The following FAM107B variants were observed in gnomAD, a reference collection of about 807,000 sequenced individuals.
FAM107B encodes family with sequence similarity 107 member B.
FAM107B carries 21 observed loss-of-function variants against 31.5 expected under a neutral mutation model. The observed-to-expected ratio is 0.67, with a 90% CI of 0.47 to 0.96. The LOEUF is 0.96. Ranked by LOEUF, FAM107B falls within the 40% of genes least tolerant of loss-of-function variation. The pLI is 0.00. For synonymous variants in FAM107B, 157 were observed against 141.5 expected (o/e 1.11, Z -0.78); for missense variants, 452 against 377.1 (o/e 1.20, Z -1.64).
Position 14,737,766 on chromosome 10 carries a change from TTCTCTCTC to T in FAM107B, c.411+36479_411+36486del, listed in dbSNP as rs11276189. 2.9e-3 allele frequency among the ~76,000 whole-genome samples: 366 copies of T among 127,114 alleles called. 1 individual carries two copies. Among genetic ancestry groups the T allele is most frequent in the African/African-American group, 0.011 (334 of 31,048 alleles). The allele number at this position is 127,114 out of a possible 152,430, so 83.4% of individuals were successfully genotyped here. On this transcript the variant is annotated intron_variant, in intron 1 of 4. Transcript: ENST00000181796. ...CCATGCAGTGCTGTGCGTGCACGCT[TTCTCTCTC>T]TCTCTCTCTCTCTCTCTCTCTCTCT...
At chr10:14,709,119 T>C (rs1209215996) in intron 1 of FAM107B, among the ~76,000 whole-genome samples, 3 of 152,210 alleles carry the variant, frequency 2.0e-5, no homozygotes, top group Non-Finnish European at 2.9e-5. Flanking sequence ...GTGCAGCCAC[T>C]TTGGAAGACA....
At chr10:14,582,994 G>C (rs1488741584) in intron 2 of FAM107B, among the ~76,000 whole-genome samples, 1 of 151,418 alleles carries the variant, frequency 6.6e-6, no homozygotes, top group African/African-American at 2.4e-5. Flanking sequence ...GCTAAGGCAG[G>C]AGAATTGCTT....
intron 2 of FAM107B, among the ~76,000 whole-genome samples, chr10:14,600,039 C>T (rs942558024): frequency 2.6e-4 from 39 of 152,178 alleles, no homozygotes; most frequent in African/African-American, 9.2e-4. Context: ...TCTCTCTCCC[C>T]GTTTTCCTTC....
intron 1 of FAM107B, among the ~76,000 whole-genome samples, chr10:14,711,056 G>T (rs1855634928): frequency 6.6e-6 from 1 of 152,200 alleles, no homozygotes; most frequent in East Asian, 1.9e-4. Context: ...GGGACTACAG[G>T]CCTACCACCA....
intron 2 of FAM107B, among the ~76,000 whole-genome samples, chr10:14,564,418 G>A (rs2131200273): frequency 6.6e-6 from 1 of 151,256 alleles, no homozygotes; most frequent in African/African-American, 2.4e-5. Flanking sequence ...AGTTTTCAAA[G>A]CAGATACTGC....
chr10:14,653,632 T>G (rs1853959610), intron 2 of FAM107B, among the ~76,000 whole-genome samples: 1 of 131,420 alleles, frequency 7.6e-6, no homozygotes, highest in East Asian at 2.3e-4. Context: ...TGTGGTTCCA[T>G]TTCCTTGGTG....
At chr10:14,542,307 T>C (rs1221032452) in intron 2 of FAM107B, among the ~76,000 whole-genome samples, 1 of 148,906 alleles carries the variant, frequency 6.7e-6, no homozygotes, top group African/African-American at 2.5e-5. Context: ...ATGAACAGGA[T>C]AATACGGGCG....
chr10:14,568,672 G>A lies in FAM107B; in HGVS notation c.470-38157C>T, dbSNP rs1179577492. Among the ~76,000 whole-genome samples, 5 of 152,270 alleles carry A rather than the reference G, an allele frequency of 3.3e-5. 1 individual carries two copies. The highest frequency in any genetic ancestry group is 7.3e-5 in the Non-Finnish European group (5 of 68,040). ...CCAGGAGGTGAAGATACTCGGGTAGGAGAAGGGTGGCTGATCTCTGGGTTA... is the reference window on the plus strand; with the variant it reads ...CCAGGAGGTGAAGATACTCGGGTAGAAGAAGGGTGGCTGATCTCTGGGTTA... On this transcript the variant is annotated intron_variant, in intron 2 of 4. Coordinates refer to ENST00000181796, the MANE Select transcript of FAM107B (RefSeq NM_031453.4).
chr10:14,530,963 C>T (rs537737896), intron 2 of FAM107B, among the ~76,000 whole-genome samples: 151 of 152,304 alleles, frequency 9.9e-4, no homozygotes, highest in African/African-American at 3.5e-3. Context: ...TGGCCTCTTG[C>T]CTATCTTACT....
At chr10:14,572,845 G>T (rs1259884395) in intron 2 of FAM107B, among the ~76,000 whole-genome samples, 10 of 150,212 alleles carry the variant, frequency 6.7e-5, no homozygotes, top group Non-Finnish European at 1.3e-4. Flanking sequence ...AAGCAGAAGG[G>T]ACTTGAGTTC....
Position 14,521,181 on chromosome 10 carries a change from A to T in FAM107B, c.*9T>A. On this transcript the variant is annotated 3_prime_UTR_variant, in exon 5 of 5. Transcript: ENST00000181796. ...GGGGTGACACACGAGGTCTTGGTGC[A>T]GCCTCAGCCTAGGACTCCTGGGCTT... 6.2e-7 allele frequency: 1 copy of T among 1,610,518 alleles called. No homozygotes were observed. The highest frequency in any genetic ancestry group is 8.5e-7 in the Non-Finnish European group (1 of 1,176,874).
chr10:14,709,303 A>G (rs552691859), intron 1 of FAM107B, among the ~76,000 whole-genome samples: 2 of 152,364 alleles, frequency 1.3e-5, no homozygotes, highest in Admixed American at 1.3e-4. Flanking sequence ...CAGGCTGCCA[A>G]TAAAGACATA....
At chr10:14,664,170 G>A (rs1014473193) in intron 2 of FAM107B, among the ~76,000 whole-genome samples, 2 of 152,060 alleles carry the variant, frequency 1.3e-5, no homozygotes, top group African/African-American at 4.8e-5. Context: ...TTTTCTCCTA[G>A]CTCTCTGTGT....
intron 2 of FAM107B, among the ~76,000 whole-genome samples, chr10:14,620,259 C>T (rs976827081): frequency 8.1e-5 from 12 of 148,014 alleles, no homozygotes; most frequent in African/African-American, 2.4e-4. Flanking sequence ...CCTCGTGATC[C>T]GCCCACCTTG....
intron 2 of FAM107B, among the ~76,000 whole-genome samples, chr10:14,566,553 G>A (rs750734024): frequency 6.6e-6 from 1 of 152,198 alleles, no homozygotes; most frequent in Non-Finnish European, 1.5e-5. Flanking sequence ...AGCCTGGTGA[G>A]AGCCTGAAGC....
intron 2 of FAM107B, among the ~76,000 whole-genome samples, chr10:14,646,237 T>G (rs550809917): frequency 6.6e-6 from 1 of 152,178 alleles, no homozygotes. Context: ...TTTGGTGACA[T>G]AGATGAATTA....
chr10:14,687,723 T>C (rs537520940), intron 1 of FAM107B, among the ~76,000 whole-genome samples: 25 of 152,306 alleles, frequency 1.6e-4, no homozygotes, highest in Admixed American at 5.2e-4. Flanking sequence ...TTTCTGCCTC[T>C]AAAAGTTTCT....
intron 3 of FAM107B, among the ~76,000 whole-genome samples, chr10:14,526,671 T>C (rs1846268577): frequency 6.6e-6 from 1 of 152,204 alleles, no homozygotes; most frequent in Non-Finnish European, 1.5e-5. Context: ...TAGTAAAGCA[T>C]GCCAAAAGAA....
At chr10:14,572,554 A>C (rs977771592) in intron 2 of FAM107B, among the ~76,000 whole-genome samples, 1 of 151,644 alleles carries the variant, frequency 6.6e-6, no homozygotes, top group Non-Finnish European at 1.5e-5. Flanking sequence ...TCTATGGGGA[A>C]GGGTTATGTT....
Sources: gnomAD v4.1 joint callset for allele counts (sites outside exome capture counted in the v4.1 genomes callset) on GRCh38, gnomAD v4.1.1 for gene constraint, MANE v1.5 for transcripts, NCBI Gene and HGNC (gene_info 2026-07-23, HGNC 2026-07-21) for gene names.